The following POLR3G variants were observed in gnomAD, a reference collection of about 807,000 sequenced individuals.
POLR3G encodes the protein DNA-directed RNA polymerase III subunit RPC7.
In POLR3G, 28 loss-of-function variants were observed where a neutral mutation model predicts 30.1. That is an observed-to-expected ratio of 0.93 (90% CI 0.69 to 1.27). The LOEUF (loss-of-function observed/expected upper bound fraction) is 1.27. Among genes scored for constraint, POLR3G ranks in the 50% most tolerant of loss-of-function variants. The pLI is 0.00. For missense variants in POLR3G, 254 were observed against 264.6 expected (o/e 0.96, Z 0.28); for synonymous variants, 79 against 82.5 (o/e 0.96, Z 0.23).
At chr5:90,489,011 A>G (rs1199308529) in intron 3 of POLR3G, among the ~76,000 whole-genome samples, 1 of 152,162 alleles carries the variant, frequency 6.6e-6, no homozygotes, top group Non-Finnish European at 1.5e-5. Flanking sequence ...TCAAAACAAC[A>G]TCATTAAAAC....
intron 1 of POLR3G, among the ~76,000 whole-genome samples, chr5:90,483,143 C>CAAAA (rs35917267): frequency 5.6e-4 from 57 of 101,298 alleles, no homozygotes; most frequent in African/African-American, 1.3e-3. Flanking sequence ...TCCTCCGTCT[C>CAAAA]AAAAAAAAAA....
In POLR3G at chr5:90,485,510, C is replaced by T. The variant is rs912497455; in HGVS notation, c.-43-15C>T. ...CTTTTTTATATGTGATCCAGTAAAT[C>T]GTAATCATTAATAGTGCCTTTCAGA... On this transcript the variant is annotated splice_polypyrimidine_tract_variant and intron_variant, in intron 1 of 7. Transcript: ENST00000651687. 1.7e-5 allele frequency: 20 copies of T among 1,176,694 alleles called. No individual in the cohort carries two copies. The highest frequency in any genetic ancestry group is 1.2e-4 in the African/African-American group (8 of 64,850). The allele number at this position is 1,176,694 out of a possible 1,614,324, so 72.9% of individuals were successfully genotyped here. A position where few individuals can be genotyped will look rare whatever the true frequency, so the allele number is the denominator to read the frequency against.
chr5:90,492,860 C>CAAAA (rs59127797), intron 3 of POLR3G, among the ~76,000 whole-genome samples: 1 of 128,270 alleles, frequency 7.8e-6, no homozygotes, highest in Admixed American at 8.1e-5. Flanking sequence ...GACTCCGCCT[C>CAAAA]AAAAAAAAAA....
Position 90,485,598 on chromosome 5 carries a change from G to A in POLR3G, c.31G>A (p.Ala11Thr), listed in dbSNP as rs866728572. The A allele has an allele frequency of 9.9e-6, 16 of 1,613,972 alleles. No individual in the cohort carries two copies. In the Middle Eastern group the frequency reaches 2.5e-3, roughly 250 times the overall value. The change falls in exon 2 of 8, where the codon GCT (alanine) becomes ACT (threonine). Residue 11 changes from alanine to threonine, a missense_variant. Coordinates refer to ENST00000651687, the MANE Select transcript of POLR3G (RefSeq NM_006467.3). ...TGGGAATAAAGGAAGAGGACGTGCTGCTTATACCTTTAATATTGAGGCTGT... is the reference window on the plus strand; with the variant it reads ...TGGGAATAAAGGAAGAGGACGTGCTACTTATACCTTTAATATTGAGGCTGT... MAGNKGRGRA[A>T]YTFNIEAVGF...
At chr5:90,480,923 C>A (rs190049320) in intron 1 of POLR3G, among the ~76,000 whole-genome samples, 23 of 152,170 alleles carry the variant, frequency 1.5e-4, no homozygotes, top group Non-Finnish European at 1.9e-4. Context: ...AGTGACTCAG[C>A]AATTGAAACA....
intron 6 of POLR3G, 62 bp from the exon 7 acceptor site, chr5:90,506,466 T>G: frequency 1.9e-6 from 3 of 1,554,462 alleles, no homozygotes; most frequent in Non-Finnish European, 2.6e-6. Context: ...CCCTTAAGGC[T>G]AAGCAGGGAA....
chr5:90,512,296 T>C lies in POLR3G; in HGVS notation c.*157T>C, dbSNP rs573565097. 6 of 571,750 alleles carry C rather than the reference T, an allele frequency of 1.0e-5. No individual in the cohort carries two copies. The highest frequency in any genetic ancestry group is 5.6e-5 in the African/African-American group (3 of 53,394). The allele number at this position is 571,750 out of a possible 1,614,324, so 35.4% of individuals were successfully genotyped here. ...TATTCAAAACCACTTTGAGTTTACA[T>C]ACTAGTTACCTTAAAAATTATTCCC... On this transcript the variant is annotated 3_prime_UTR_variant, in exon 8 of 8. Transcript: ENST00000651687.
At chr5:90,503,095 GTGA>G (rs1030999472) in intron 6 of POLR3G, among the ~76,000 whole-genome samples, 1 of 152,046 alleles carries the variant, frequency 6.6e-6, no homozygotes, top group African/African-American at 2.4e-5. Context: ...TCTTGCCTTG[GTGA>G]TGATGATGAT....
intron 2 of POLR3G, among the ~76,000 whole-genome samples, chr5:90,486,555 T>C (rs556250507): frequency 3.0e-4 from 45 of 152,198 alleles, no homozygotes; most frequent in Non-Finnish European, 6.0e-4. Flanking sequence ...GCAGGTCTCC[T>C]TGGGTCCTCA....
intron 3 of POLR3G, chr5:90,490,543 C>T (rs1020411962): frequency 3.5e-5 from 13 of 369,350 alleles, no homozygotes; most frequent in Non-Finnish European, 5.2e-5. Flanking sequence ...GGACTACAGG[C>T]GCACACACCA....
intron 1 of POLR3G, among the ~76,000 whole-genome samples, chr5:90,478,708 C>T (rs1750972162): frequency 6.6e-6 from 1 of 151,358 alleles, no homozygotes; most frequent in Non-Finnish European, 1.5e-5. Flanking sequence ...AGGCGCGTGC[C>T]ACCATGTCCA....
intron 6 of POLR3G, chr5:90,502,443 A>G: frequency 1.3e-6 from 1 of 795,186 alleles, no homozygotes; most frequent in South Asian, 5.8e-5. Context: ...ACTTATTTTT[A>G]TAGCTTTCTT....
chr5:90,481,283 A>C (rs1459645527), intron 1 of POLR3G, among the ~76,000 whole-genome samples: 1 of 151,846 alleles, frequency 6.6e-6, no homozygotes, highest in African/African-American at 2.4e-5. Context: ...GTTCATCTTG[A>C]TGTAATAGAG....
At chr5:90,474,387 C>G (rs958473659), upstream of POLR3G, 584 of 1,165,922 alleles carry the variant, frequency 5.0e-4, 8 homozygotes, top group Non-Finnish European at 1.1e-4. Flanking sequence ...GTGAAGCGGT[C>G]TGCCTGCAGC....
At chr5:90,501,676 C>T (rs1351154328) in intron 5 of POLR3G, among the ~76,000 whole-genome samples, 1 of 151,846 alleles carries the variant, frequency 6.6e-6, no homozygotes, top group Non-Finnish European at 1.5e-5. Flanking sequence ...ATATAGTTAA[C>T]TTCAGTCTTA....
chr5:90,481,037 A>G (rs910114133), intron 1 of POLR3G, among the ~76,000 whole-genome samples: 7 of 152,248 alleles, frequency 4.6e-5, no homozygotes, highest in African/African-American at 1.7e-4. Flanking sequence ...CAAGGTAACT[A>G]AATAATAGAT....
At chr5:90,497,624 C>G in intron 4 of POLR3G, 32 bp from the exon 5 acceptor site, 1 of 1,573,844 alleles carries the variant, frequency 6.4e-7, no homozygotes, top group East Asian at 2.3e-5. Flanking sequence ...CTAGAGGAAA[C>G]TGCAATTTTT....
chr5:90,484,932 G>A (rs1751359019), intron 1 of POLR3G, among the ~76,000 whole-genome samples: 2 of 152,128 alleles, frequency 1.3e-5, no homozygotes, highest in African/African-American at 4.8e-5. Flanking sequence ...ACTTGCATAT[G>A]TGATATCACT....
chr5:90,504,716 T>C (rs973234281), intron 6 of POLR3G, among the ~76,000 whole-genome samples: 2 of 152,196 alleles, frequency 1.3e-5, no homozygotes, highest in Admixed American at 1.3e-4. Flanking sequence ...ATACAACTTA[T>C]TGGTTGCAGG....
Sources: gnomAD v4.1 joint callset for allele counts (sites outside exome capture counted in the v4.1 genomes callset) on GRCh38, gnomAD v4.1.1 for gene constraint, MANE v1.5 for transcripts, NCBI Gene and HGNC (gene_info 2026-07-23, HGNC 2026-07-21) for gene names.